Variants in ATP2B2 observed in about 807,000 individuals in gnomAD.
ATP2B2 encodes the protein plasma membrane calcium-transporting ATPase 2.
In ATP2B2, 15 loss-of-function variants were observed where a neutral mutation model predicts 120.0. The ratio of observed to expected loss-of-function variants is 0.12; its 90% CI spans 0.08 to 0.19. ATP2B2 has a LOEUF of 0.19. ATP2B2 is among the 10% of genes least tolerant of loss of function. ATP2B2 has a pLI of 1.00. For missense variants in ATP2B2, 1,045 were observed against 1,719.8 expected (o/e 0.61, Z 6.94); for synonymous variants, 694 against 700.3 (o/e 0.99, Z 0.14).
intron 2 of ATP2B2, among the ~76,000 whole-genome samples, chr3:10,576,325 G>A (rs917557266): frequency 6.6e-6 from 1 of 152,226 alleles, no homozygotes; most frequent in Admixed American, 6.5e-5. Flanking sequence ...TCTCACTCAG[G>A]CTGCTTAGGC....
At chr3:10,359,829 G>T in intron 13 of ATP2B2, 53 bp downstream of exon 13, 1 of 1,612,086 alleles carries the variant, frequency 6.2e-7, no homozygotes, top group Non-Finnish European at 8.5e-7. Context: ...GACATCCCCA[G>T]CTCCCTGCAC....
intron 1 of ATP2B2, among the ~76,000 whole-genome samples, chr3:10,646,808 G>C (rs1240772110): frequency 2.6e-5 from 4 of 152,164 alleles, no homozygotes; most frequent in Admixed American, 2.6e-4. Context: ...TGTTTGAGGC[G>C]CTCCACTAAG....
At chr3:10,357,297 T>C (rs1368878183) in intron 14 of ATP2B2, among the ~76,000 whole-genome samples, 1 of 152,148 alleles carries the variant, frequency 6.6e-6, no homozygotes, top group African/African-American at 2.4e-5. Context: ...AGTATGCAGA[T>C]GAGGCTCAGA....
chr3:10,462,045 C>T (rs1296085811), intron 1 of ATP2B2, among the ~76,000 whole-genome samples: 4 of 152,100 alleles, frequency 2.6e-5, no homozygotes, highest in Admixed American at 6.5e-5. Flanking sequence ...GTAGGTTTCC[C>T]CATGGTCCTG....
In ATP2B2 at chr3:10,327,036, G is replaced by A; in HGVS notation, c.*1778C>T. The A allele has an allele frequency of 5.0e-6, 2 of 396,530 alleles. No homozygotes were observed. Among genetic ancestry groups the A allele is most frequent in the Non-Finnish European group, 4.4e-6 (1 of 225,064 alleles). 24.6% of individuals were successfully genotyped at this position (396,530 alleles called of 1,614,324 possible). On this transcript the variant is annotated 3_prime_UTR_variant, in exon 23 of 23. Coordinates refer to ENST00000360273, the MANE Select transcript of ATP2B2 (RefSeq NM_001001331.4). The stretch of plus-strand genomic sequence containing the variant: ...CATCATCGATCATGGTATTCAAAAT[G>A]TCTTTTGCACTGTACAAGTTTATGG...
At chr3:10,534,450 C>T (rs935519319) in intron 2 of ATP2B2, among the ~76,000 whole-genome samples, 1 of 152,236 alleles carries the variant, frequency 6.6e-6, no homozygotes, top group Admixed American at 6.5e-5. Flanking sequence ...ATGCATCGGG[C>T]ATCTAGCCAT....
In ATP2B2 at chr3:10,449,431, C is replaced by T. The variant is rs775707408; in HGVS notation, c.113G>A (p.Arg38Gln). The T allele has an allele frequency of 6.2e-6, 10 of 1,614,234 alleles. No homozygotes were observed. The highest frequency in any genetic ancestry group is 3.3e-5 in the Admixed American group (2 of 60,030). Residue 38 changes from arginine (R) to glutamine (Q), a missense_variant, in exon 2 of 23, where the codon CGG (arginine) becomes CAG (glutamine). Arg to Gln is a conservative substitution (Grantham distance 43). Coordinates refer to ENST00000360273, the MANE Select transcript of ATP2B2 (RefSeq NM_001001331.4). ...GATCTTGACCACAGCCTCAGTGCCC[C>T]GCAGCTCCATGAGGGAGCGGAGCTC... ...MEELRSLMEL[R>Q]GTEAVVKIKE... is the part of the protein sequence containing the mutation.
intron 2 of ATP2B2, among the ~76,000 whole-genome samples, chr3:10,545,706 T>C (rs181952907): frequency 1.6e-4 from 24 of 152,352 alleles, no homozygotes; most frequent in African/African-American, 4.6e-4. Context: ...ATGTTCATCA[T>C]GGTGTTCTCT....
intron 19 of ATP2B2, among the ~76,000 whole-genome samples, chr3:10,341,748 GCTCTC>G (rs987929118): frequency 2.0e-5 from 3 of 152,116 alleles, no homozygotes; most frequent in Non-Finnish European, 4.4e-5. Flanking sequence ...CAGGACCCCC[GCTCTC>G]CTCTCCTCTC....
At chr3:10,519,557 C>T (rs888560244) in intron 3 of ATP2B2, among the ~76,000 whole-genome samples, 1 of 152,152 alleles carries the variant, frequency 6.6e-6, no homozygotes, top group Non-Finnish European at 1.5e-5. Flanking sequence ...GAGTGGAGAA[C>T]TCAGTTCCTG....
intron 18 of ATP2B2, among the ~76,000 whole-genome samples, chr3:10,344,550 C>T (rs1007193248): frequency 2.0e-5 from 3 of 152,220 alleles, no homozygotes; most frequent in Non-Finnish European, 4.4e-5. Context: ...TGGGCATGGG[C>T]TTGTCTGCCC....
intron 3 of ATP2B2, among the ~76,000 whole-genome samples, chr3:10,528,266 G>A (rs2067140382): frequency 6.6e-6 from 1 of 152,090 alleles, no homozygotes; most frequent in Admixed American, 6.5e-5. Flanking sequence ...CGTGCATCTG[G>A]CCCAACCCAA....
At chr3:10,486,871 C>G (rs1319151429) in intron 1 of ATP2B2, among the ~76,000 whole-genome samples, 2 of 152,128 alleles carry the variant, frequency 1.3e-5, no homozygotes, top group African/African-American at 4.8e-5. Flanking sequence ...AGGTGCGAGC[C>G]ACCACACCCA....
intron 1 of ATP2B2, among the ~76,000 whole-genome samples, chr3:10,628,062 C>T (rs1439727524): frequency 6.6e-6 from 1 of 152,172 alleles, no homozygotes; most frequent in African/African-American, 2.4e-5. Context: ...GCGGGATGGG[C>T]GTGGCACATT....
At chr3:10,427,639 C>T (rs977068578) in intron 2 of ATP2B2, among the ~76,000 whole-genome samples, 18 of 152,186 alleles carry the variant, frequency 1.2e-4, no homozygotes, top group African/African-American at 3.6e-4. Flanking sequence ...CCTCAGGACA[C>T]AAAGACACAG....
chr3:10,597,071 A>ACC (rs1443291547), intron 2 of ATP2B2, among the ~76,000 whole-genome samples: 1 of 149,708 alleles, frequency 6.7e-6, no homozygotes, highest in African/African-American at 2.5e-5. Context: ...GGCCACACAC[A>ACC]CACACACACA....
intron 1 of ATP2B2, among the ~76,000 whole-genome samples, chr3:10,691,379 G>A (rs1054733326): frequency 6.6e-6 from 1 of 152,174 alleles, no homozygotes; most frequent in Non-Finnish European, 1.5e-5. Flanking sequence ...CTGGTTTCCA[G>A]GCCCCACATA....
rs2060430476 is a variant in ATP2B2, at chr3:10,346,299, T to G, written c.2405-162A>C. On this transcript the variant is annotated intron_variant, in intron 16 of 22. Coordinates refer to ENST00000360273, the MANE Select transcript of ATP2B2 (RefSeq NM_001001331.4). This position sits in a 1 kb window ranked among gnomAD's most constrained non-coding sequence, Gnocchi z 4.1. ...CTCTTCCCAGCTCCAGGCTGGCCTA[T>G]AGCTGCCAGCAGGTTACAGTGGGCT... Among the ~76,000 whole-genome samples, 1 of 152,246 alleles carries G rather than the reference T, an allele frequency of 6.6e-6. No individual in the cohort carries two copies. The highest frequency in any genetic ancestry group is 1.5e-5 in the Non-Finnish European group (1 of 68,030).
Position 10,692,734 on chromosome 3 carries a change from A to G in ATP2B2, c.-460+15181T>C, listed in dbSNP as rs555131220. Among the ~76,000 whole-genome samples, 57 of 152,320 alleles carry G rather than the reference A, an allele frequency of 3.7e-4. No individual in the cohort carries two copies. In the Middle Eastern group the frequency reaches 0.017, roughly 45 times the overall value. ...GTCCTCCCAACTAGCCTGCAAGTTT[A>G]TGAGGACAGCATTAGGCCTGGTTCA... On this transcript the variant is annotated intron_variant, in intron 1 of 21. Transcript: ENST00000646379.
Sources: gnomAD v4.1 joint callset for allele counts (sites outside exome capture counted in the v4.1 genomes callset) on GRCh38, gnomAD v4.1.1 for gene constraint, Gnocchi (gnomAD v3.1) non-coding constraint, MANE v1.5 for transcripts, NCBI Gene and HGNC (gene_info 2026-07-23, HGNC 2026-07-21) for gene names.